ADCY8: variants seen among roughly 807,000 people sequenced by gnomAD.
The protein encoded by ADCY8 is adenylate cyclase 8.
A neutral mutation model predicts 119.7 loss-of-function variants in ADCY8; 51 were observed. The observed-to-expected ratio is 0.43, with a 90% CI of 0.34 to 0.54. The LOEUF is 0.54. Ranked by LOEUF, ADCY8 falls within the 20% of genes least tolerant of loss-of-function variation. ADCY8 has a pLI of 0.03. For missense variants in ADCY8, 1,383 were observed against 1,598.8 expected (o/e 0.87, Z 2.30); for synonymous variants, 665 against 651.0 (o/e 1.02, Z -0.33).
intron 1 of ADCY8, among the ~76,000 whole-genome samples, chr8:131,030,162 G>A (rs141251896): frequency 6.6e-6 from 1 of 152,266 alleles, no homozygotes; most frequent in Non-Finnish European, 1.5e-5. Flanking sequence ...GTGGGGATGG[G>A]TTGCCTAGAG....
chr8:130,955,534 C>A (rs1032298492), intron 2 of ADCY8, among the ~76,000 whole-genome samples: 2 of 152,096 alleles, frequency 1.3e-5, no homozygotes, highest in African/African-American at 4.8e-5. Flanking sequence ...AAAACATACA[C>A]ATGATACTCA....
At chr8:130,977,170 T>G (rs62520266) in intron 2 of ADCY8, among the ~76,000 whole-genome samples, 3,473 of 152,310 alleles carry the variant, frequency 0.023, 61 homozygotes, top group South Asian at 0.04. Flanking sequence ...CGCATGGTGT[T>G]TGCAACCTCC....
intron 3 of ADCY8, among the ~76,000 whole-genome samples, chr8:130,946,086 C>T (rs886066475): frequency 2.0e-5 from 3 of 152,208 alleles, no homozygotes; most frequent in African/African-American, 7.2e-5. Context: ...TGGTTTAACA[C>T]ATTCCCTTTA....
At chr8:130,918,967 G>A (rs958981250) in intron 5 of ADCY8, among the ~76,000 whole-genome samples, 2 of 152,192 alleles carry the variant, frequency 1.3e-5, no homozygotes, top group East Asian at 1.9e-4. Flanking sequence ...AGTAGCTGAG[G>A]CAGGAGAATC....
At chr8:130,915,006 G>T (rs993627763) in intron 5 of ADCY8, among the ~76,000 whole-genome samples, 7 of 152,202 alleles carry the variant, frequency 4.6e-5, no homozygotes, top group Admixed American at 1.3e-4. Context: ...CCACTGAGTT[G>T]CCTTAGGACC....
chr8:130,979,674 C>A (rs549006692), intron 2 of ADCY8, among the ~76,000 whole-genome samples: 31 of 152,254 alleles, frequency 2.0e-4, no homozygotes, highest in African/African-American at 6.3e-4. Flanking sequence ...TGTTATTTAG[C>A]CTCTATGTTT....
chr8:130,899,756 G>C (rs892781291), intron 7 of ADCY8, among the ~76,000 whole-genome samples: 1 of 152,188 alleles, frequency 6.6e-6, no homozygotes, highest in Non-Finnish European at 1.5e-5. Flanking sequence ...ATTTTACTCA[G>C]AGCATGCAGC....
intron 2 of ADCY8, among the ~76,000 whole-genome samples, chr8:130,957,441 G>C (rs1407514947): frequency 6.6e-6 from 1 of 152,220 alleles, no homozygotes; most frequent in Non-Finnish European, 1.5e-5. Flanking sequence ...AAGGGAAGCA[G>C]AGCATAAAAG....
intron 1 of ADCY8, among the ~76,000 whole-genome samples, chr8:131,015,287 A>G (rs555758481): frequency 5.3e-5 from 8 of 152,352 alleles, no homozygotes; most frequent in African/African-American, 1.9e-4. Flanking sequence ...GGAGAAAAAT[A>G]AAGCTGATTA....
At chr8:130,985,172 G>T (rs779390094) in intron 2 of ADCY8, among the ~76,000 whole-genome samples, 3 of 152,126 alleles carry the variant, frequency 2.0e-5, no homozygotes, top group Non-Finnish European at 4.4e-5. Flanking sequence ...GCAATGCCAA[G>T]TGCTGTGAAA....
At chr8:130,984,369 C>A (rs1332625054) in intron 2 of ADCY8, among the ~76,000 whole-genome samples, 2 of 152,168 alleles carry the variant, frequency 1.3e-5, no homozygotes, top group African/African-American at 2.4e-5. Context: ...AAAGAGAAAC[C>A]AATGGATTCC....
chr8:131,032,775 T>G (rs1824034690), intron 1 of ADCY8, among the ~76,000 whole-genome samples: 1 of 152,160 alleles, frequency 6.6e-6, no homozygotes, highest in Non-Finnish European at 1.5e-5. Context: ...ATAATTTGAG[T>G]GTGTAAATCC....
At chr8:130,992,412 TATATATATATATA>T (rs1563759103) in intron 1 of ADCY8, among the ~76,000 whole-genome samples, 11 of 121,260 alleles carry the variant, frequency 9.1e-5, no homozygotes, top group African/African-American at 4.0e-4. Context: ...TATATATATA[TATATATATATATA>T]TATATTTGAG....
At chr8:130,835,593 T>G (rs1193189668) in intron 12 of ADCY8, among the ~76,000 whole-genome samples, 1 of 152,184 alleles carries the variant, frequency 6.6e-6, no homozygotes, top group South Asian at 2.1e-4. Context: ...ATATTCTTTT[T>G]TGTACTTTTC....
intron 11 of ADCY8, among the ~76,000 whole-genome samples, chr8:130,842,086 C>T (rs1427239708): frequency 1.3e-5 from 2 of 152,170 alleles, no homozygotes; most frequent in Non-Finnish European, 2.9e-5. Context: ...TGCTCTAGTA[C>T]ACTCCTAGTG....
chr8:130,982,723 A>G (rs1295465747), intron 2 of ADCY8, among the ~76,000 whole-genome samples: 2 of 152,154 alleles, frequency 1.3e-5, no homozygotes, highest in Non-Finnish European at 2.9e-5. Context: ...AAACAGTTGA[A>G]ATTCATTGTT....
chr8:130,975,332 T>A lies in ADCY8; in HGVS notation c.1110+15061A>T, dbSNP rs575921958. Among the ~76,000 whole-genome samples, 77 of 152,328 alleles carry A rather than the reference T, an allele frequency of 5.1e-4. 2 individuals carry two copies. The highest frequency in any genetic ancestry group is 3.4e-3 in the Middle Eastern group (1 of 294). On this transcript the variant is annotated intron_variant, in intron 2 of 17. Transcript: ENST00000286355. ...ATGCGTACTTGACTCTGTTTGACTATTCAATTCAATTCCCTTCAATAAACA... is the reference window on the plus strand; with the variant it reads ...ATGCGTACTTGACTCTGTTTGACTAATCAATTCAATTCCCTTCAATAAACA...
intron 8 of ADCY8, among the ~76,000 whole-genome samples, chr8:130,871,984 A>G (rs1216484569): frequency 6.6e-6 from 1 of 152,174 alleles, no homozygotes; most frequent in Non-Finnish European, 1.5e-5. Context: ...ACACATATGT[A>G]TATAGATATA....
chr8:130,913,365 A>G (rs1393032177), intron 5 of ADCY8, among the ~76,000 whole-genome samples: 3 of 152,100 alleles, frequency 2.0e-5, no homozygotes, highest in Non-Finnish European at 4.4e-5. Context: ...GCCTCTGGTA[A>G]CCATCATTCT....
Sources: gnomAD v4.1 joint callset for allele counts (sites outside exome capture counted in the v4.1 genomes callset) on GRCh38, gnomAD v4.1.1 for gene constraint, MANE v1.5 for transcripts, NCBI Gene and HGNC (gene_info 2026-07-23, HGNC 2026-07-21) for gene names.